SCLT1: variants seen among roughly 807,000 people sequenced by gnomAD.
SCLT1 encodes sodium channel-associated protein 1.
SCLT1 carries 78 observed loss-of-function variants against 112.8 expected under a neutral mutation model. The observed-to-expected ratio is 0.69, with a 90% CI of 0.58 to 0.83. The LOEUF (loss-of-function observed/expected upper bound fraction) is 0.83, where lower values mean the gene tolerates loss of function less well. Ranked by LOEUF, SCLT1 falls within the 40% of genes least tolerant of loss-of-function variation. The probability of loss-of-function intolerance (pLI) is 0.00; values close to 1 mark genes in which losing one functional copy is unlikely to be tolerated. For missense variants in SCLT1, 747 were observed against 770.4 expected, an observed-to-expected ratio of 0.97 and a Z score of 0.36; for synonymous variants, 257 against 254.7, an observed-to-expected ratio of 1.01 and a Z score of -0.09.
chr4:128,874,454 G>A (rs995348207), exon 5 of SCLT1: 25 of 152,070 alleles, frequency 1.6e-4, no homozygotes, highest in African/African-American at 6.1e-4. Flanking sequence ...GCTTTCAAAT[G>A]TTCCAAGTTA....
chr4:129,082,381 A>T lies in SCLT1; in HGVS notation c.35-8T>A, dbSNP rs370227213. On this transcript the variant is annotated splice_region_variant and splice_polypyrimidine_tract_variant and intron_variant, in intron 1 of 20. Coordinates refer to ENST00000281142, the MANE Select transcript of SCLT1 (RefSeq NM_144643.4). The stretch of plus-strand genomic sequence containing the variant: ...CTTCATTTAGTCTTCGATCTGAAAC[A>T]AGCGGGAAAACAGATTTCAGTTCAT... The T allele has an allele frequency of 1.0e-5, 16 of 1,574,572 alleles. No homozygotes were observed. In the African/African-American group the frequency reaches 2.0e-4, roughly 20 times the overall value.
chr4:129,029,006 T>G (rs1399758315), intron 5 of SCLT1, among the ~76,000 whole-genome samples: 1 of 152,050 alleles, frequency 6.6e-6, no homozygotes, highest in East Asian at 1.9e-4. Context: ...AGAATGGCAA[T>G]CATTAAAAAG....
chr4:128,973,505 G>GGA (rs1267048272), intron 9 of SCLT1, among the ~76,000 whole-genome samples: 1 of 149,720 alleles, frequency 6.7e-6, no homozygotes, highest in Non-Finnish European at 1.5e-5. Flanking sequence ...GGAAAGAGAG[G>GGA]GAGAGAGAAA....
intron 18 of SCLT1, among the ~76,000 whole-genome samples, chr4:128,913,150 T>A (rs1425886175): frequency 1.3e-5 from 2 of 152,260 alleles, no homozygotes; most frequent in East Asian, 3.8e-4. Flanking sequence ...GTTGCTACGT[T>A]CGGCATTCTG....
chr4:129,017,722 A>G (rs1745117531), intron 5 of SCLT1, among the ~76,000 whole-genome samples: 1 of 152,184 alleles, frequency 6.6e-6, no homozygotes. Context: ...AAGTACTATT[A>G]TATTTGGTTG....
chr4:128,951,550 G>A (rs1411139618), intron 14 of SCLT1, among the ~76,000 whole-genome samples: 6 of 152,082 alleles, frequency 3.9e-5, no homozygotes, highest in Non-Finnish European at 1.5e-5. Flanking sequence ...TGAGAATACA[G>A]AAAGAATGAA....
At chr4:129,052,118 C>T (rs759332946) in intron 2 of SCLT1, among the ~76,000 whole-genome samples, 1 of 152,096 alleles carries the variant, frequency 6.6e-6, no homozygotes, top group African/African-American at 2.4e-5. Flanking sequence ...CAGCTGAATT[C>T]TGTTTGCCAA....
rs1736426015 is a variant in SCLT1, at chr4:128,927,889, G to C, written c.1829+8766C>G. Among the ~76,000 whole-genome samples, 3 of 151,886 alleles carry C rather than the reference G, an allele frequency of 2.0e-5. No individual in the cohort carries two copies. In the South Asian group the frequency reaches 6.2e-4, roughly 32 times the overall value. On this transcript the variant is annotated intron_variant, in intron 18 of 20. Coordinates refer to ENST00000281142, the MANE Select transcript of SCLT1 (RefSeq NM_144643.4). ...GATAAGAGTGATAACAAAAAAAAGA[G>C]ACAAGGTACAATAATATCAGGAATG...
intron 5 of SCLT1, among the ~76,000 whole-genome samples, chr4:129,012,044 T>C (rs758801923): frequency 4.6e-5 from 7 of 152,204 alleles, no homozygotes; most frequent in Non-Finnish European, 1.0e-4. Context: ...AGTTCAGCTC[T>C]GATTTTGGTT....
chr4:128,919,845 C>G (rs1049597563), intron 18 of SCLT1, among the ~76,000 whole-genome samples: 2 of 151,826 alleles, frequency 1.3e-5, no homozygotes, highest in Non-Finnish European at 2.9e-5. Context: ...CAATATTGAA[C>G]TAGGAAGAAA....
rs1736343275 is a variant in SCLT1, at chr4:128,926,910, T to C, written c.1829+9745A>G. ...ATTACCTTCAGACTTCCTAAGTATG[T>C]GTGGTATAACATGTAGGGTAGTTAC... On this transcript the variant is annotated intron_variant, in intron 18 of 20. Coordinates refer to ENST00000281142, the MANE Select transcript of SCLT1 (RefSeq NM_144643.4). Among the ~76,000 whole-genome samples the C allele has an allele frequency of 1.3e-5, 2 of 151,792 alleles. 1 individual carries two copies. The highest frequency in any genetic ancestry group is 2.9e-5 in the Non-Finnish European group (2 of 67,994).
At chr4:128,902,573 G>T (rs1734402881) in intron 18 of SCLT1, among the ~76,000 whole-genome samples, 1 of 152,158 alleles carries the variant, frequency 6.6e-6, no homozygotes. Flanking sequence ...TAGGGTACTT[G>T]CCATAAATGG....
At chr4:128,929,901 C>A (rs1279169504) in intron 18 of SCLT1, among the ~76,000 whole-genome samples, 2 of 152,118 alleles carry the variant, frequency 1.3e-5, no homozygotes, top group African/African-American at 4.8e-5. Flanking sequence ...AAATCTATTT[C>A]TCACTGTTTT....
intron 9 of SCLT1, among the ~76,000 whole-genome samples, chr4:128,980,365 G>A (rs1214471359): frequency 6.6e-6 from 1 of 152,002 alleles, no homozygotes; most frequent in Non-Finnish European, 1.5e-5. Flanking sequence ...AAAATTATCA[G>A]CACACACATT....
intron 2 of SCLT1, among the ~76,000 whole-genome samples, chr4:129,065,794 T>A (rs1012168021): frequency 6.6e-6 from 1 of 152,136 alleles, no homozygotes; most frequent in Admixed American, 6.5e-5. Context: ...AATATCAAAG[T>A]ATTTCAAGTG....
chr4:128,957,554 C>T (rs373382095), intron 12 of SCLT1, among the ~76,000 whole-genome samples: 1 of 152,088 alleles, frequency 6.6e-6, no homozygotes, highest in African/African-American at 2.4e-5. Flanking sequence ...GCAGACACTA[C>T]TTGTTTTGTC....
At chr4:129,044,264 A>G (rs1346052138) in intron 2 of SCLT1, among the ~76,000 whole-genome samples, 1 of 152,126 alleles carries the variant, frequency 6.6e-6, no homozygotes, top group African/African-American at 2.4e-5. Context: ...GGCAAATTAG[A>G]AATTTGAGGA....
chr4:129,005,378 T>C (rs1743901966), intron 5 of SCLT1, among the ~76,000 whole-genome samples: 1 of 152,218 alleles, frequency 6.6e-6, no homozygotes, highest in Non-Finnish European at 1.5e-5. Flanking sequence ...TAAAGTGTCT[T>C]ATTTCTTTGT....
At chr4:129,066,169 G>A (rs1020001778) in intron 2 of SCLT1, among the ~76,000 whole-genome samples, 1 of 151,958 alleles carries the variant, frequency 6.6e-6, no homozygotes, top group Non-Finnish European at 1.5e-5. Flanking sequence ...ACATTTAACT[G>A]TATTAAAAGT....
Sources: allele counts gnomAD v4.1 joint callset (sites outside exome capture counted in the v4.1 genomes callset), GRCh38; gene constraint gnomAD v4.1.1; transcripts MANE v1.5; gene names NCBI Gene and HGNC (gene_info 2026-07-23, HGNC 2026-07-21).